The following RP1L1 variants were observed in gnomAD, a reference collection of about 807,000 sequenced individuals.
RP1L1 encodes retinitis pigmentosa 1-like 1 protein.
RP1L1 carries 27 observed loss-of-function variants against 15.7 expected under a neutral mutation model. That is an observed-to-expected ratio of 1.72 (90% CI 1.27 to 2.38). RP1L1 has a LOEUF of 2.38. RP1L1 is among the 30% of genes most tolerant of loss of function. The pLI, the probability that RP1L1 is intolerant of heterozygous loss-of-function variation, is 0.00. For missense variants in RP1L1, 4,798 were observed against 3,075.9 expected (o/e 1.56, Z -13.24); for synonymous variants, 1,813 against 1,276.7 (o/e 1.42, Z -8.96).
rs377380531 is a variant in RP1L1 at position 10,609,398 on chromosome 8, C to T, written c.4700G>A (p.Arg1567His). 15 of 1,612,210 alleles carry T rather than the reference C, an allele frequency of 9.3e-6. No individual in the cohort carries two copies. Among genetic ancestry groups the T allele is most frequent in the African/African-American group, 8.0e-5 (6 of 74,912 alleles). Residue 1567 changes from arginine (R) to histidine (H), a missense_variant, in exon 4 of 4, where the codon CGC (arginine) becomes CAC (histidine). Arg to His is a conservative substitution (Grantham distance 29, BLOSUM62 0). Coordinates refer to ENST00000382483, the MANE Select transcript of RP1L1 (RefSeq NM_178857.6). ...AAELQQDVAQ[R>H]LQDSTKRELQ... is the part of the protein sequence containing the mutation. ...CTCTCTCTTGGTGCTGTCCTGGAGG[C>T]GTTGGGCCACGTCCTGCTGCAGCTC...
At chr8:10,635,506 C>A (rs1260438580) in intron 1 of RP1L1, among the ~76,000 whole-genome samples, 2 of 152,212 alleles carry the variant, frequency 1.3e-5, no homozygotes, top group Non-Finnish European at 1.5e-5. Flanking sequence ...CTCTACAAAT[C>A]CCTATGGAAT....
chr8:10,637,129 G>T (rs1798341355), intron 1 of RP1L1, among the ~76,000 whole-genome samples: 1 of 152,208 alleles, frequency 6.6e-6, no homozygotes. Context: ...CATAGAGCAG[G>T]CAAGGAGACA....
In RP1L1 at chr8:10,612,968, G is replaced by A. The variant is rs1797896370; in HGVS notation, c.1130C>T (p.Ser377Leu). The A allele has an allele frequency of 6.2e-7, 1 of 1,613,128 alleles. No individual in the cohort carries two copies. Among genetic ancestry groups the A allele is most frequent in the South Asian group, 1.1e-5 (1 of 91,080 alleles). The change falls in exon 4 of 4, where the codon TCA (serine) becomes TTA (leucine). Residue 377 changes from serine (S) to leucine (L), a missense_variant. Coordinates refer to ENST00000382483, the MANE Select transcript of RP1L1 (RefSeq NM_178857.6). ...CVWEGYPWGFSEPGVWGPRPC... is the reference protein window; with the variant it reads ...CVWEGYPWGFLEPGVWGPRPC... ...CCGGGGTCCCCACACCCCAGGCTCT[G>A]AGAAGCCCCAAGGGTAGCCCTCCCA... is the stretch of plus-strand genomic sequence containing the variant.
chr8:10,612,433 A>T lies in RP1L1; in HGVS notation c.1665T>A (p.Cys555Ter). 1 of 1,612,654 alleles carries T rather than the reference A, an allele frequency of 6.2e-7. No individual in the cohort carries two copies. The highest frequency in any genetic ancestry group is 8.5e-7 in the Non-Finnish European group (1 of 1,180,016). ...AGGTCTCGGCCCTTGCCTTGCCTGG[A>T]CAGCCCTGGGGCCGCCCACCCCATT... ...SSEWGGRPQG[C>*]PGKARAETSQ... The change falls in exon 4 of 4, where the codon TGT becomes TGA. Residue 555 changes from cysteine to a stop codon, truncating the protein, a stop_gained. Transcript: ENST00000382483. LOFTEE classifies it low-confidence loss of function (END_TRUNC).
intron 3 of RP1L1, among the ~76,000 whole-genome samples, chr8:10,615,641 C>G (rs1394408223): frequency 6.6e-6 from 1 of 151,940 alleles, no homozygotes; most frequent in Non-Finnish European, 1.5e-5. Flanking sequence ...TCATCCTCCC[C>G]CCTCAGCCTC....
chr8:10,644,632 C>A (rs566236573), intron 1 of RP1L1, among the ~76,000 whole-genome samples: 28 of 152,276 alleles, frequency 1.8e-4, no homozygotes, highest in Middle Eastern at 3.4e-3. Flanking sequence ...TTTCCATCAA[C>A]AAAACCAGAA....
intron 2 of RP1L1, among the ~76,000 whole-genome samples, chr8:10,620,629 GT>G (rs779914701): frequency 6.6e-6 from 1 of 152,166 alleles, no homozygotes; most frequent in Non-Finnish European, 1.5e-5. Flanking sequence ...AGACACAACA[GT>G]GGCCCCATGG....
rs536946994 is a variant in RP1L1 at position 10,631,395 on chromosome 8, A to G, written c.-19-8175T>C. On this transcript the variant is annotated intron_variant, in intron 1 of 3. Transcript: ENST00000382483. ...TGCACACAAACACACATGCACACACACGCACACACACGCACACACGCACAC... is the reference window on the plus strand; with the variant it reads ...TGCACACAAACACACATGCACACACGCGCACACACACGCACACACGCACAC... Among the ~76,000 whole-genome samples, 391 of 142,902 alleles carry G rather than the reference A, an allele frequency of 2.7e-3. 9 individuals are homozygous for G. Among genetic ancestry groups the G allele is most frequent in the Middle Eastern group, 7.3e-3 (2 of 274 alleles). 93.7% of individuals were successfully genotyped at this position (142,902 alleles called of 152,430 possible). A position where few individuals can be genotyped will look rare whatever the true frequency, so the allele number is the denominator to read the frequency against.
intron 1 of RP1L1, among the ~76,000 whole-genome samples, chr8:10,628,464 C>G (rs756215282): frequency 6.6e-5 from 10 of 152,064 alleles, no homozygotes; most frequent in Non-Finnish European, 1.3e-4. Flanking sequence ...TGCAGCTCAT[C>G]ATAGATGCAC....
intron 1 of RP1L1, among the ~76,000 whole-genome samples, chr8:10,633,688 A>C (rs1798287160): frequency 6.6e-6 from 1 of 152,170 alleles, no homozygotes; most frequent in African/African-American, 2.4e-5. Context: ...GAGGACAGCA[A>C]ACCTCCAGGG....
At chr8:10,639,922 T>G (rs1798383513) in intron 1 of RP1L1, among the ~76,000 whole-genome samples, 1 of 152,236 alleles carries the variant, frequency 6.6e-6, no homozygotes, top group African/African-American at 2.4e-5. Flanking sequence ...GGTAGAATGT[T>G]ACATGGGGTG....
Position 10,611,807 on chromosome 8 carries a change from C to T in RP1L1, c.2291G>A (p.Gly764Glu). Residue 764 changes from glycine (G) to glutamate (E), a missense_variant, in exon 4 of 4, where the codon GGG (glycine) becomes GAG (glutamate). Coordinates refer to ENST00000382483, the MANE Select transcript of RP1L1 (RefSeq NM_178857.6). ...CGAGCATGTCCTGGACCCCGCGTCC[C>T]CTGCCCACCCGGCAGAGGGAGCGTT... ...PHNAPSAGWA[G>E]DAGSRTCSPA... The T allele has an allele frequency of 6.2e-7, 1 of 1,613,652 alleles. No individual in the cohort carries two copies. The highest frequency in any genetic ancestry group is 8.5e-7 in the Non-Finnish European group (1 of 1,180,022).
chr8:10,626,695 T>G (rs1798164199), intron 1 of RP1L1, among the ~76,000 whole-genome samples: 1 of 152,242 alleles, frequency 6.6e-6, no homozygotes, highest in Non-Finnish European at 1.5e-5. Context: ...AGATGCATCC[T>G]GATTTCAGGT....
intron 1 of RP1L1, among the ~76,000 whole-genome samples, chr8:10,653,155 A>G (rs1798587221): frequency 6.6e-6 from 1 of 152,212 alleles, no homozygotes; most frequent in African/African-American, 2.4e-5. Flanking sequence ...TCAATGACAC[A>G]GGTCTCTTGG....
Position 10,611,345 on chromosome 8 carries a change from C to A in RP1L1, c.2753G>T (p.Gly918Val), listed in dbSNP as rs939450075. Residue 918 changes from glycine to valine, a missense_variant, in exon 4 of 4, where the codon GGG becomes GTG. By Grantham distance (109) the Gly-to-Val change is moderately radical (BLOSUM62 -3). Coordinates refer to ENST00000382483, the MANE Select transcript of RP1L1 (RefSeq NM_178857.6). ...CTTCTCCTCGGACAGCCCCCGAGAC[C>A]CCGCACCCTGGCTGGCACTGCTTCT... ...SRRSSASQGA[G>V]SRGLSEEKTL... 1 of 1,612,106 alleles carries A rather than the reference C, an allele frequency of 6.2e-7. No individual in the cohort carries two copies. The highest frequency in any genetic ancestry group is 2.2e-5 in the East Asian group (1 of 44,864).
rs770544356 is a variant in RP1L1, at chr8:10,611,780, G to A, written c.2318C>T (p.Pro773Leu). The change falls in exon 4 of 4, where the codon CCG (proline) becomes CTG (leucine). Residue 773 changes from proline to leucine, a missense_variant. By Grantham distance (98) the Pro-to-Leu change is moderately conservative. Coordinates refer to ENST00000382483, the MANE Select transcript of RP1L1 (RefSeq NM_178857.6). ...GGATGTGTGGGGAGGTATGGGGGCCGGCGAGCATGTCCTGGACCCCGCGTC... is the reference window on the plus strand; with the variant it reads ...GGATGTGTGGGGAGGTATGGGGGCCAGCGAGCATGTCCTGGACCCCGCGTC... Reference protein sequence around the residue: ...AGDAGSRTCSPAPIPPHTSDS... With the variant: ...AGDAGSRTCSLAPIPPHTSDS... 27 of 1,613,544 alleles carry A rather than the reference G, an allele frequency of 1.7e-5. No individual in the cohort carries two copies. The highest frequency in any genetic ancestry group is 1.3e-4 in the Admixed American group (8 of 60,014).
At position 10,611,276 on chromosome 8, in the gene RP1L1, C is replaced by G. The variant is rs1423726823; in HGVS notation, c.2822G>C (p.Ser941Thr). 1 of 1,613,028 alleles carries G rather than the reference C, an allele frequency of 6.2e-7. No homozygotes were observed. The highest frequency in any genetic ancestry group is 8.5e-7 in the Non-Finnish European group (1 of 1,180,018). The change falls in exon 4 of 4, where the codon AGT (serine) becomes ACT (threonine). Residue 941 changes from serine to threonine, a missense_variant. Ser to Thr is a moderately conservative substitution (Grantham distance 58, BLOSUM62 1). Coordinates refer to ENST00000382483, the MANE Select transcript of RP1L1 (RefSeq NM_178857.6). ...GGGCAGAGAGCTGGGTGACACACCA[C>G]TGGCCTCCTCCTGCCCCTGGGGGCC... The part of the protein sequence containing the change: ...GGGPQGQEEA[S>T]GVSPSSLPRS...
Position 10,612,958 on chromosome 8 carries a change from C to T in RP1L1, c.1140G>A (p.Gly380=). 1 of 1,613,162 alleles carries T rather than the reference C, an allele frequency of 6.2e-7. No individual in the cohort carries two copies. Among genetic ancestry groups the T allele is most frequent in the African/African-American group, 1.3e-5 (1 of 75,078 alleles). ...CCCTGCAGGGCCGGGGTCCCCACAC[C>T]CCAGGCTCTGAGAAGCCCCAAGGGT... ...EGYPWGFSEP[G]VWGPRPCRVG... Residue 380 remains glycine (G), a synonymous_variant, in exon 4 of 4, where the codon GGG becomes GGA. Coordinates refer to ENST00000382483, the MANE Select transcript of RP1L1 (RefSeq NM_178857.6).
At chr8:10,636,661 C>T (rs1402586698) in intron 1 of RP1L1, among the ~76,000 whole-genome samples, 1 of 152,214 alleles carries the variant, frequency 6.6e-6, no homozygotes, top group Admixed American at 6.5e-5. Flanking sequence ...TTGTCTCGGG[C>T]ATGATAAACA....
Sources: allele counts gnomAD v4.1 joint callset (sites outside exome capture counted in the v4.1 genomes callset), GRCh38; gene constraint gnomAD v4.1.1; transcripts MANE v1.5; gene names NCBI Gene and HGNC (gene_info 2026-07-23, HGNC 2026-07-21).